Variants in NBEA observed in about 807,000 individuals in gnomAD.
The protein encoded by NBEA is lysosomal-trafficking regulator 2.
A neutral mutation model predicts 343.4 loss-of-function variants in NBEA; 44 were observed. The ratio of observed to expected loss-of-function variants is 0.13; its 90% CI spans 0.10 to 0.16. NBEA has a LOEUF of 0.16. Ranked by LOEUF, NBEA falls within the 10% of genes least tolerant of loss-of-function variation. The pLI is 1.00. For missense variants in NBEA, 2,555 were observed against 3,631.3 expected (o/e 0.70, Z 7.62); for synonymous variants, 1,175 against 1,238.7 (o/e 0.95, Z 1.08).
intron 2 of NBEA, among the ~76,000 whole-genome samples, chr13:35,044,341 G>A (rs1290031015): frequency 6.6e-6 from 1 of 152,066 alleles, no homozygotes; most frequent in East Asian, 1.9e-4. Flanking sequence ...GATAATAATG[G>A]TACTTACCTC....
At chr13:35,468,108 A>AAC (rs2075469617) in intron 40 of NBEA, among the ~76,000 whole-genome samples, 1 of 81,232 alleles carries the variant, frequency 1.2e-5, no homozygotes, top group Non-Finnish European at 2.5e-5. Flanking sequence ...AATGATTTAC[A>AAC]CCCCCCCCCC....
chr13:35,303,978 G>A (rs17757621), intron 35 of NBEA, among the ~76,000 whole-genome samples: 4,535 of 152,150 alleles, frequency 0.03, 103 homozygotes, highest in Non-Finnish European at 0.045. Context: ...CCTGAAATAC[G>A]AAAATGACAA....
At chr13:35,507,547 T>C (rs2077118065) in intron 41 of NBEA, among the ~76,000 whole-genome samples, 1 of 152,114 alleles carries the variant, frequency 6.6e-6, no homozygotes, top group African/African-American at 2.4e-5. Flanking sequence ...TCCCAAAATA[T>C]TGCTGTACCT....
At chr13:35,652,052 G>A (rs891003169) in intron 53 of NBEA, among the ~76,000 whole-genome samples, 176 bp downstream of exon 53, 1 of 152,134 alleles carries the variant, frequency 6.6e-6, no homozygotes, top group Admixed American at 6.5e-5. Flanking sequence ...GAACTTTTTG[G>A]TATTAAAGCA....
Position 35,164,359 on chromosome 13 carries a change from T to A in NBEA, c.4083T>A (p.His1361Gln). The A allele has an allele frequency of 6.3e-7, 1 of 1,576,056 alleles. No homozygotes were observed. Among genetic ancestry groups the A allele is most frequent in the Non-Finnish European group, 8.6e-7 (1 of 1,158,916 alleles). The stretch of plus-strand genomic sequence containing the variant: ...ATTTCTGTTTTCTGTATTTTAGCCA[T>A]TCTACAAAGTCTGTAATGGATTTTG... Reference protein sequence around the residue: ...LETDVHVWRSHSTKSVMDFVN... With the variant: ...LETDVHVWRSQSTKSVMDFVN... The change falls in exon 24 of 59, where the codon CAT (histidine) becomes CAA (glutamine). Residue 1361 changes from histidine to glutamine, a missense_variant. This residue lies in a region of NBEA where 69 missense variants were observed against 128.8 expected (regional missense o/e 0.54). Coordinates refer to ENST00000379939, the MANE Select transcript of NBEA (RefSeq NM_001385012.1).
intron 52 of NBEA, among the ~76,000 whole-genome samples, chr13:35,651,104 G>A (rs1264364148): frequency 6.6e-6 from 1 of 152,152 alleles, no homozygotes; most frequent in African/African-American, 2.4e-5. Context: ...TTTGCATTGA[G>A]AAAAACTACA....
At chr13:35,475,163 G>A in intron 41 of NBEA, 2 of 1,614,096 alleles carry the variant, frequency 1.2e-6, no homozygotes, top group Non-Finnish European at 1.7e-6. Flanking sequence ...CCTTGAAACA[G>A]ATCTAAGTTC....
intron 4 of NBEA, among the ~76,000 whole-genome samples, chr13:35,045,971 G>A (rs1184942169): frequency 1.3e-5 from 2 of 151,962 alleles, no homozygotes; most frequent in Non-Finnish European, 2.9e-5. Flanking sequence ...CTGTTTGCCC[G>A]CCTAGGCCTC....
intron 1 of NBEA, among the ~76,000 whole-genome samples, chr13:35,014,240 G>C (rs971582218): frequency 6.6e-6 from 1 of 152,084 alleles, no homozygotes; most frequent in Non-Finnish European, 1.5e-5. Context: ...TCTCAAACAA[G>C]TTTTGAACAA....
At chr13:35,008,213 A>G (rs1286881790) in intron 1 of NBEA, among the ~76,000 whole-genome samples, 1 of 152,188 alleles carries the variant, frequency 6.6e-6, no homozygotes, top group African/African-American at 2.4e-5. Flanking sequence ...ATAGTTCACC[A>G]TTTTAACTAT....
At chr13:35,207,331 A>G (rs1304687295) in intron 31 of NBEA, among the ~76,000 whole-genome samples, 1 of 152,084 alleles carries the variant, frequency 6.6e-6, no homozygotes, top group Non-Finnish European at 1.5e-5. Flanking sequence ...TTGAGTAAGT[A>G]TGAAATAGAG....
intron 45 of NBEA, among the ~76,000 whole-genome samples, chr13:35,571,143 C>T (rs139701278): frequency 8.2e-4 from 125 of 152,274 alleles, no homozygotes; most frequent in African/African-American, 2.8e-3. Flanking sequence ...TTTCAATAAA[C>T]ATGTGGTACC....
At chr13:35,530,661 C>T (rs2078216794) in intron 41 of NBEA, among the ~76,000 whole-genome samples, 1 of 152,114 alleles carries the variant, frequency 6.6e-6, no homozygotes. Context: ...AGAAAAAGAA[C>T]CACCGTTATT....
At chr13:35,448,640 G>A (rs2046157304) in intron 39 of NBEA, among the ~76,000 whole-genome samples, 1 of 152,210 alleles carries the variant, frequency 6.6e-6, no homozygotes, top group Admixed American at 6.5e-5. Context: ...GGAGGCTTTT[G>A]TGGAGTTAAA....
Position 35,242,892 on chromosome 13 carries a change from C to T in NBEA, c.5776+10273C>T, listed in dbSNP as rs1197609080. ...ATTTATTACTACTAGATCTAACCTA[C>T]GAGAAATGCTAAAGGGAGTCCTTCA... On this transcript the variant is annotated intron_variant, in intron 34 of 58. Transcript: ENST00000379939. Among the ~76,000 whole-genome samples, 3 of 151,708 alleles carry T rather than the reference C, an allele frequency of 2.0e-5. 1 individual carries two copies. Among genetic ancestry groups the T allele is most frequent in the Non-Finnish European group, 4.4e-5 (3 of 67,768 alleles).
chr13:35,666,137 G>T (rs866950631), intron 56 of NBEA, among the ~76,000 whole-genome samples: 2 of 143,176 alleles, frequency 1.4e-5, no homozygotes, highest in Non-Finnish European at 3.0e-5. Flanking sequence ...GATGGGAGGG[G>T]CCTGGGGCAC....
At chr13:34,984,439 T>A (rs1046031557) in intron 1 of NBEA, among the ~76,000 whole-genome samples, 6 of 152,222 alleles carry the variant, frequency 3.9e-5, no homozygotes, top group African/African-American at 1.4e-4. Context: ...GCTGTTTTGG[T>A]TACTGTGCCA....
intron 1 of NBEA, among the ~76,000 whole-genome samples, chr13:34,947,329 TG>T (rs1483421963): frequency 4.6e-5 from 7 of 152,198 alleles, no homozygotes; most frequent in African/African-American, 1.7e-4. Flanking sequence ...TATTGCTAGC[TG>T]CTTTTTGGTA....
intron 45 of NBEA, among the ~76,000 whole-genome samples, chr13:35,577,729 T>A (rs1466967628): frequency 6.6e-6 from 1 of 152,152 alleles, no homozygotes; most frequent in East Asian, 1.9e-4. Context: ...GTACTGTAGG[T>A]GTGAGAATAA....
Sources: gnomAD v4.1 joint callset for allele counts (sites outside exome capture counted in the v4.1 genomes callset) on GRCh38, gnomAD v4.1.1 for gene constraint, gnomAD v4.1.1 regional missense constraint, MANE v1.5 for transcripts, NCBI Gene and HGNC (gene_info 2026-07-23, HGNC 2026-07-21) for gene names.